Variants in SLC39A9 observed in about 807,000 individuals in gnomAD.
SLC39A9 encodes zinc transporter ZIP9.
Under a neutral mutation model 28.4 loss-of-function variants are expected in SLC39A9, and 14 were observed. The observed-to-expected ratio is 0.49, with a 90% confidence interval of 0.33 to 0.77. SLC39A9 has a LOEUF of 0.77. Ranked by LOEUF, SLC39A9 falls within the 30% of genes least tolerant of loss-of-function variation. The pLI, the probability that SLC39A9 is intolerant of heterozygous loss-of-function variation, is 0.02. For missense variants in SLC39A9, 283 were observed against 381.1 expected, an observed-to-expected ratio of 0.74 and a Z score of 2.14; for synonymous variants, 119 against 149.6, an observed-to-expected ratio of 0.80 and a Z score of 1.49.
At chr14:69,452,775 A>C (rs866763364) in intron 3 of SLC39A9, among the ~76,000 whole-genome samples, 1 of 152,218 alleles carries the variant, frequency 6.6e-6, no homozygotes, top group Non-Finnish European at 1.5e-5. Context: ...AATGTGACAG[A>C]TGTTAGAATG....
In SLC39A9 at chr14:69,398,900, TG is replaced by T; in HGVS notation, c.-467del. The T allele has an allele frequency of 5.0e-6, 1 of 200,118 alleles. No homozygotes were observed. The highest frequency in any genetic ancestry group is 1.0e-5 in the Non-Finnish European group (1 of 98,508). The allele number at this position is 200,118 out of a possible 1,614,324, so 12.4% of individuals were successfully genotyped here. On this transcript the variant is annotated 5_prime_UTR_variant, in exon 1 of 7. Transcript: ENST00000336643. ...TCGGAGGAGAGTTTGCTGGGACTGG[TG>T]GGCTGGTTTCCTGCTCTGGGGGGCG...
chr14:69,413,594 A>G (rs566007870), intron 1 of SLC39A9, among the ~76,000 whole-genome samples: 1 of 152,070 alleles, frequency 6.6e-6, no homozygotes, highest in African/African-American at 2.4e-5. Flanking sequence ...TTTTGTCATG[A>G]ACCATTAGAA....
intron 4 of SLC39A9, among the ~76,000 whole-genome samples, chr14:69,453,559 A>G (rs2139451635): frequency 6.6e-6 from 1 of 152,326 alleles, no homozygotes; most frequent in South Asian, 2.1e-4. Context: ...ACTGTAGCAC[A>G]TGAGAATTAT....
At chr14:69,412,646 C>T (rs1387970640) in intron 1 of SLC39A9, among the ~76,000 whole-genome samples, 2 of 152,204 alleles carry the variant, frequency 1.3e-5, no homozygotes, top group East Asian at 3.9e-4. Flanking sequence ...GCATTTAATT[C>T]ATTCTTTCAA....
intron 3 of SLC39A9, among the ~76,000 whole-genome samples, chr14:69,449,530 T>A (rs1353159033): frequency 6.6e-6 from 1 of 151,594 alleles, no homozygotes; most frequent in Non-Finnish European, 1.5e-5. Flanking sequence ...GAGGCTGAGA[T>A]GGGAGGATTG....
intron 1 of SLC39A9, among the ~76,000 whole-genome samples, chr14:69,412,976 A>G (rs1349105340): frequency 6.6e-6 from 1 of 152,174 alleles, no homozygotes; most frequent in Non-Finnish European, 1.5e-5. Context: ...TTGTTTCTGA[A>G]TGTTTGATGG....
intron 1 of SLC39A9, among the ~76,000 whole-genome samples, chr14:69,406,039 C>G (rs1220586974): frequency 6.6e-6 from 1 of 152,192 alleles, no homozygotes; most frequent in East Asian, 1.9e-4. Flanking sequence ...AAATCAGTCA[C>G]TTGACTACTA....
chr14:69,426,011 T>C (rs1247836474), intron 2 of SLC39A9, among the ~76,000 whole-genome samples: 1 of 152,150 alleles, frequency 6.6e-6, no homozygotes, highest in Non-Finnish European at 1.5e-5. Flanking sequence ...TTAGGTTGTG[T>C]GTAGAGAAAA....
Position 69,462,339 on chromosome 14 carries a change from G to C in SLC39A9, c.*3746G>C, listed in dbSNP as rs1255380712. Reference sequence around the variant, plus strand: ...TCTCTTTCCACTTTAATTGTGAATGGTTAAAAAAATGCTGTTTTCTGATAT... The same window carrying C: ...TCTCTTTCCACTTTAATTGTGAATGCTTAAAAAAATGCTGTTTTCTGATAT... On this transcript the variant is annotated 3_prime_UTR_variant, in exon 7 of 7. Coordinates refer to ENST00000336643, the MANE Select transcript of SLC39A9 (RefSeq NM_018375.5). The C allele has an allele frequency of 6.6e-6, 1 of 152,168 alleles. No homozygotes were observed. The allele number at this position is 152,168 out of a possible 1,614,324, so 9.4% of individuals were successfully genotyped here.
intron 1 of SLC39A9, among the ~76,000 whole-genome samples, chr14:69,399,677 C>T (rs1484430620): frequency 1.3e-5 from 2 of 152,116 alleles, no homozygotes; most frequent in Non-Finnish European, 2.9e-5. Context: ...AGATATTCCA[C>T]GGAAGATCCT....
chr14:69,450,773 T>TA (rs759429233), intron 3 of SLC39A9, among the ~76,000 whole-genome samples: 2 of 152,068 alleles, frequency 1.3e-5, no homozygotes, highest in African/African-American at 4.8e-5. Flanking sequence ...ACTCTGTCTC[T>TA]AAAAAAATAA....
chr14:69,431,738 G>A (rs1884504792), intron 2 of SLC39A9, among the ~76,000 whole-genome samples: 2 of 151,924 alleles, frequency 1.3e-5, no homozygotes, highest in Admixed American at 1.3e-4. Context: ...GTAGTCCCCA[G>A]TTTCTATTAT....
In SLC39A9 at chr14:69,429,667, G is replaced by A. The variant is rs538834510; in HGVS notation, c.205+5465G>A. On this transcript the variant is annotated intron_variant, in intron 2 of 6. Coordinates refer to ENST00000336643, the MANE Select transcript of SLC39A9 (RefSeq NM_018375.5). ...TGGGAGGCAGAGGTTGCAGTGAGCT[G>A]AGATTGTGCCACTGCACTCCAGCTT... 2.0e-5 allele frequency among the ~76,000 whole-genome samples: 3 copies of A among 152,302 alleles called. No homozygotes were observed. The South Asian group carries it at 6.2e-4, about 32-fold the overall frequency.
chr14:69,439,008 G>A (rs7147710), intron 2 of SLC39A9, among the ~76,000 whole-genome samples: 68,771 of 152,048 alleles, frequency 0.45, 15,729 homozygotes, highest in Middle Eastern at 0.59. Context: ...CTGTTTTCAG[G>A]TGAGATGATC....
At chr14:69,405,216 T>C (rs1052372851) in intron 1 of SLC39A9, among the ~76,000 whole-genome samples, 3 of 152,220 alleles carry the variant, frequency 2.0e-5, no homozygotes, top group Non-Finnish European at 4.4e-5. Context: ...CAGTGTCTGA[T>C]TATAATAACT....
chr14:69,460,333 C>G lies in SLC39A9; in HGVS notation c.*1740C>G. On this transcript the variant is annotated 3_prime_UTR_variant, in exon 7 of 7. Transcript: ENST00000336643. ...GCTGGCCACAGTGAGGAAAGTAGCACAAATAGGATACAGTTGTATGTAGTC... is the reference window on the plus strand; with the variant it reads ...GCTGGCCACAGTGAGGAAAGTAGCAGAAATAGGATACAGTTGTATGTAGTC... 1 of 985,508 alleles carries G rather than the reference C, an allele frequency of 1.0e-6. No homozygotes were observed. The highest frequency in any genetic ancestry group is 1.2e-6 in the Non-Finnish European group (1 of 829,910). The allele number at this position is 985,508 out of a possible 1,614,324, so 61.0% of individuals were successfully genotyped here.
intron 1 of SLC39A9, among the ~76,000 whole-genome samples, chr14:69,412,655 A>T (rs1883338863): frequency 6.6e-6 from 1 of 152,118 alleles, no homozygotes; most frequent in Non-Finnish European, 1.5e-5. Flanking sequence ...TCATTCTTTC[A>T]ATAAATATTT....
chr14:69,407,091 C>T (rs921615016), intron 1 of SLC39A9, among the ~76,000 whole-genome samples: 2 of 151,938 alleles, frequency 1.3e-5, no homozygotes, highest in Non-Finnish European at 2.9e-5. Flanking sequence ...GCCTTGAGAT[C>T]TGCCTGCCTC....
chr14:69,399,230 A>T lies in SLC39A9; in HGVS notation c.-140A>T. ...TTCAAGAGGAAGGTGCCTCGTGAACACATCTGCTGGTGGGAAGGCCTAAAG... is the reference window on the plus strand; with the variant it reads ...TTCAAGAGGAAGGTGCCTCGTGAACTCATCTGCTGGTGGGAAGGCCTAAAG... On this transcript the variant is annotated 5_prime_UTR_variant, in exon 1 of 7. Transcript: ENST00000336643. 1 of 703,258 alleles carries T rather than the reference A, an allele frequency of 1.4e-6. No homozygotes were observed. The highest frequency in any genetic ancestry group is 2.5e-6 in the Non-Finnish European group (1 of 403,184). 43.6% of individuals were successfully genotyped at this position (703,258 alleles called of 1,614,324 possible).
Sources: allele counts gnomAD v4.1 joint callset (sites outside exome capture counted in the v4.1 genomes callset), GRCh38; gene constraint gnomAD v4.1.1; transcripts MANE v1.5; gene names NCBI Gene and HGNC (gene_info 2026-07-23, HGNC 2026-07-21).